Variants in PRICKLE1 observed in about 807,000 individuals in gnomAD.
The protein encoded by PRICKLE1 is prickle-like protein 1.
In PRICKLE1, 14 loss-of-function variants were observed where a neutral mutation model predicts 70.2. The observed-to-expected ratio is 0.20, with a 90% CI of 0.13 to 0.31. The LOEUF (loss-of-function observed/expected upper bound fraction) is 0.31, where lower values mean the gene tolerates loss of function less well. Among genes scored for constraint, PRICKLE1 ranks in the 10% least tolerant of loss-of-function variants. PRICKLE1 has a pLI of 1.00. For missense variants in PRICKLE1, 821 were observed against 1,026.2 expected (o/e 0.80, Z 2.73); for synonymous variants, 357 against 379.9 (o/e 0.94, Z 0.70).
chr12:42,562,153 G>A (rs1441442204), intron 1 of PRICKLE1, among the ~76,000 whole-genome samples: 1 of 151,952 alleles, frequency 6.6e-6, no homozygotes, highest in Non-Finnish European at 1.5e-5. Context: ...CAGGTGATCC[G>A]CTCGCCTTGG....
intron 1 of PRICKLE1, among the ~76,000 whole-genome samples, chr12:42,576,253 C>T (rs897630647): frequency 2.0e-5 from 3 of 152,196 alleles, no homozygotes; most frequent in African/African-American, 7.2e-5. Flanking sequence ...ATATGCAAAA[C>T]AGCCCCCATC....
intron 1 of PRICKLE1, among the ~76,000 whole-genome samples, chr12:42,581,696 A>C (rs11181568): frequency 0.13 from 20,003 of 151,548 alleles, 1,695 homozygotes; most frequent in Non-Finnish European, 0.19. Flanking sequence ...GCAGTGAGCC[A>C]AGATCATGCC....
chr12:42,558,566 C>A (rs984186624), intron 1 of PRICKLE1, among the ~76,000 whole-genome samples: 1 of 152,234 alleles, frequency 6.6e-6, no homozygotes, highest in African/African-American at 2.4e-5. Flanking sequence ...CCTGGGTCCC[C>A]CAGCTGGCTT....
intron 1 of PRICKLE1, among the ~76,000 whole-genome samples, chr12:42,532,770 G>A (rs963922740): frequency 5.3e-5 from 8 of 151,830 alleles, no homozygotes; most frequent in Non-Finnish European, 1.0e-4. Context: ...TGTGGCGGGC[G>A]CCTGTAGTCC....
intron 1 of PRICKLE1, among the ~76,000 whole-genome samples, chr12:42,537,328 TA>T (rs1171637460): frequency 5.9e-5 from 9 of 151,666 alleles, no homozygotes; most frequent in East Asian, 3.9e-4. Flanking sequence ...TCAGCTAATT[TA>T]AAAAAAAATT....
chr12:42,526,929 A>G (rs190884107), intron 1 of PRICKLE1, among the ~76,000 whole-genome samples: 1 of 152,068 alleles, frequency 6.6e-6, no homozygotes, highest in Non-Finnish European at 1.5e-5. Flanking sequence ...TCAAGAGACT[A>G]TGTATGCTGC....
At chr12:42,465,490 G>A (rs932517560) in intron 6 of PRICKLE1, 14 of 547,560 alleles carry the variant, frequency 2.6e-5, no homozygotes, top group Admixed American at 6.7e-5. Context: ...ATGGTCATTC[G>A]CAGATGTGCA....
chr12:42,552,059 C>CTTTTTT lies in PRICKLE1; in HGVS notation c.-49+37400_-49+37405dup, dbSNP rs201217516. Among the ~76,000 whole-genome samples, 14 of 129,250 alleles carry CTTTTTT rather than the reference C, an allele frequency of 1.1e-4. No homozygotes were observed. In the East Asian group the frequency reaches 1.8e-3, roughly 16 times the overall value. The allele number at this position is 129,250 out of a possible 152,430, so 84.8% of individuals were successfully genotyped here. Reference sequence around the variant, plus strand: ...AACCTGTACACATTCAAGAAAGTTACTTTTTTTTTTTTTTTTTTTTTTTTG... The same window carrying CTTTTTT: ...AACCTGTACACATTCAAGAAAGTTACTTTTTTTTTTTTTTTTTTTTTTTTTTTTTTG... On this transcript the variant is annotated intron_variant, in intron 1 of 7. Transcript: ENST00000345127.
chr12:42,572,036 A>G (rs1940724156), intron 1 of PRICKLE1, among the ~76,000 whole-genome samples: 1 of 152,214 alleles, frequency 6.6e-6, no homozygotes, highest in South Asian at 2.1e-4. Flanking sequence ...AATACAATTA[A>G]CCTTGAAAGA....
chr12:42,518,891 A>G (rs1369045577), intron 1 of PRICKLE1, among the ~76,000 whole-genome samples: 6 of 152,226 alleles, frequency 3.9e-5, no homozygotes, highest in Non-Finnish European at 1.5e-5. Flanking sequence ...TGTAAATGTT[A>G]TAACATGGTT....
At chr12:42,553,559 C>T (rs1722621053) in intron 1 of PRICKLE1, among the ~76,000 whole-genome samples, 1 of 152,076 alleles carries the variant, frequency 6.6e-6, no homozygotes, top group African/African-American at 2.4e-5. Context: ...GAGTGTCCCT[C>T]CTATTCCATC....
intron 1 of PRICKLE1, among the ~76,000 whole-genome samples, chr12:42,553,849 T>C (rs1392636701): frequency 6.6e-6 from 1 of 152,136 alleles, no homozygotes; most frequent in Non-Finnish European, 1.5e-5. Flanking sequence ...ACGCCTGTAA[T>C]CCCAGCACTT....
At chr12:42,503,903 G>A (rs1458379103) in intron 1 of PRICKLE1, among the ~76,000 whole-genome samples, 1 of 152,112 alleles carries the variant, frequency 6.6e-6, no homozygotes, top group Non-Finnish European at 1.5e-5. Context: ...TTCAAAAAGC[G>A]GGTTCTGGTT....
intron 1 of PRICKLE1, among the ~76,000 whole-genome samples, chr12:42,546,162 A>C (rs1940209301): frequency 6.6e-6 from 1 of 152,186 alleles, no homozygotes; most frequent in Admixed American, 6.5e-5. Context: ...AAGCCAAAAA[A>C]TGAAAGAAGG....
At chr12:42,470,164 T>C (rs2140118489) in intron 3 of PRICKLE1, 82 bp downstream of exon 3, 2 of 1,006,712 alleles carry the variant, frequency 2.0e-6, no homozygotes, top group African/African-American at 3.2e-5. Flanking sequence ...CAGTGAGGAG[T>C]TGGGGTTTAT....
chr12:42,514,699 T>C lies in PRICKLE1; in HGVS notation c.-48-42135A>G, dbSNP rs1939573746. 2.0e-5 allele frequency among the ~76,000 whole-genome samples: 3 copies of C among 151,978 alleles called. No individual in the cohort carries two copies. The South Asian group carries it at 6.2e-4, about 32-fold the overall frequency. ...CCATTTTTTCTTTTTTAAACCTAAT[T>C]TTTTTTTACAATTATACAAGCACAT... is the stretch of plus-strand genomic sequence containing the variant. On this transcript the variant is annotated intron_variant, in intron 1 of 7. Transcript: ENST00000345127.
intron 1 of PRICKLE1, among the ~76,000 whole-genome samples, chr12:42,560,768 TCACACACACA>T (rs71084672): frequency 0.069 from 8,850 of 127,622 alleles, 387 homozygotes; most frequent in Non-Finnish European, 0.087. Flanking sequence ...GCCCATCTTC[TCACACACACA>T]CACACACACA....
rs1243432056 is a variant in PRICKLE1 at position 42,464,386 on chromosome 12, A to C, written c.1639+9T>G. ...TTTTCAAATACCCCATAATCCCTAG[A>C]TTACGTACCTGTGATATTGGACAAT... On this transcript the variant is annotated intron_variant, in intron 7 of 7. Transcript: ENST00000345127. The surrounding 1 kb of genome is among the most constrained non-coding windows in gnomAD (Gnocchi z 4.2). 12 of 1,614,146 alleles carry C rather than the reference A, an allele frequency of 7.4e-6. No homozygotes were observed. The highest frequency in any genetic ancestry group is 1.7e-5 in the Admixed American group (1 of 60,012).
intron 1 of PRICKLE1, among the ~76,000 whole-genome samples, chr12:42,529,635 C>G (rs1215365509): frequency 2.0e-5 from 3 of 152,172 alleles, no homozygotes; most frequent in Non-Finnish European, 4.4e-5. Context: ...TGGCTCATGC[C>G]TGTAATCCCA....
Sources: gnomAD v4.1 joint callset for allele counts (sites outside exome capture counted in the v4.1 genomes callset) on GRCh38, gnomAD v4.1.1 for gene constraint, Gnocchi (gnomAD v3.1) non-coding constraint, MANE v1.5 for transcripts, NCBI Gene and HGNC (gene_info 2026-07-23, HGNC 2026-07-21) for gene names.